The following HS1BP3 variants were observed in gnomAD, a reference collection of about 807,000 sequenced individuals.
HS1BP3 encodes HCLS1-binding protein 3.
In HS1BP3, 32 loss-of-function variants were observed where a neutral mutation model predicts 33.5. The ratio of observed to expected loss-of-function variants is 0.95; its 90% confidence interval spans 0.72 to 1.28. HS1BP3 has a LOEUF of 1.28. HS1BP3 is among the 50% of genes most tolerant of loss of function. The pLI is 0.00. For missense variants in HS1BP3, 486 were observed against 502.3 expected (o/e 0.97, Z 0.31); for synonymous variants, 187 against 209.2 (o/e 0.89, Z 0.92).
chr2:20,646,338 C>T (rs1695519047), intron 1 of HS1BP3, among the ~76,000 whole-genome samples: 3 of 152,168 alleles, frequency 2.0e-5, no homozygotes, highest in Admixed American at 6.5e-5. Context: ...TGGGCAGGAC[C>T]CTGAAAACAC....
In HS1BP3 at chr2:20,564,703, C is replaced by T. The variant is rs879264519; in HGVS notation, c.303-4188G>A. Among the ~76,000 whole-genome samples, 39 of 152,066 alleles carry T rather than the reference C, an allele frequency of 2.6e-4. 1 individual carries two copies. Among genetic ancestry groups the T allele is most frequent in the Admixed American group, 2.2e-3 (33 of 15,264 alleles). On this transcript the variant is annotated intron_variant, in intron 5 of 5. Transcript: ENST00000446825. ...TTCACCATGTTGGCCAGGCTGGTCT[C>T]GAACTCCTGATCTCAGGTAATCTGC...
At chr2:20,585,247 C>T (rs547149397) in intron 5 of HS1BP3, among the ~76,000 whole-genome samples, 8 of 152,326 alleles carry the variant, frequency 5.3e-5, no homozygotes, top group Admixed American at 5.2e-4. Context: ...AAGCACGGCT[C>T]ACATCACTGA....
At chr2:20,593,952 C>T (rs1693885618) in intron 3 of HS1BP3, among the ~76,000 whole-genome samples, 1 of 152,386 alleles carries the variant, frequency 6.6e-6, no homozygotes, top group South Asian at 2.1e-4. Context: ...AAAACCACCA[C>T]AGCCTCCATT....
intron 2 of HS1BP3, among the ~76,000 whole-genome samples, chr2:20,607,448 A>G (rs1170276601): frequency 6.6e-6 from 1 of 152,112 alleles, no homozygotes; most frequent in African/African-American, 2.4e-5. Context: ...GAGCCACCAC[A>G]CCTGGCCTCT....
chr2:20,568,656 G>C lies in HS1BP3; in HGVS notation c.303-8141C>G, dbSNP rs373713910. Among the ~76,000 whole-genome samples, 260 of 152,242 alleles carry C rather than the reference G, an allele frequency of 1.7e-3. 1 individual carries two copies. The highest frequency in any genetic ancestry group is 5.5e-3 in the African/African-American group (227 of 41,542). On this transcript the variant is annotated intron_variant, in intron 5 of 5. Transcript: ENST00000446825. ...ACACATCTGCCTGTCTGTGGCAGCA[G>C]CTCCTGGAAGGAGCTCAGGGCCCAG... is the stretch of plus-strand genomic sequence containing the variant.
At chr2:20,605,483 G>C (rs1194496408) in intron 2 of HS1BP3, among the ~76,000 whole-genome samples, 3 of 152,050 alleles carry the variant, frequency 2.0e-5, no homozygotes, top group Non-Finnish European at 4.4e-5. Flanking sequence ...CATTTTAAAG[G>C]GTACAATTCA....
intron 5 of HS1BP3, among the ~76,000 whole-genome samples, chr2:20,578,196 G>A (rs1043360729): frequency 6.6e-6 from 1 of 152,328 alleles, no homozygotes; most frequent in Admixed American, 6.5e-5. Flanking sequence ...CACAGGGTGG[G>A]GGTGGGAACA....
Position 20,624,808 on chromosome 2 carries a change from G to A in HS1BP3, c.708C>T (p.Asp236=). ...PRLTIFDEEV[D]PDEGLFGPGR... The stretch of plus-strand genomic sequence containing the variant: ...CCGGGCCAAAGAGCCCCTCATCAGG[G>A]TCCACCTCCTCGTCAAAGATGGTGA... Residue 236 remains aspartate (D), a synonymous_variant, in exon 5 of 7, where the codon GAC becomes GAT. Transcript: ENST00000304031. 1 of 1,613,858 alleles carries A rather than the reference G, an allele frequency of 6.2e-7. No homozygotes were observed. Among genetic ancestry groups the A allele is most frequent in the Non-Finnish European group, 8.5e-7 (1 of 1,179,918 alleles).
chr2:20,605,563 C>T (rs757636371), intron 2 of HS1BP3, among the ~76,000 whole-genome samples: 3 of 152,298 alleles, frequency 2.0e-5, no homozygotes, highest in Non-Finnish European at 4.4e-5. Context: ...TGTCATCACC[C>T]CCCAAAGGAA....
chr2:20,563,825 A>G (rs1194234992), intron 5 of HS1BP3, among the ~76,000 whole-genome samples: 1 of 152,080 alleles, frequency 6.6e-6, no homozygotes, highest in Non-Finnish European at 1.5e-5. Context: ...CGGTATCGAC[A>G]TCCCCTGAGA....
At chr2:20,555,551 A>G (rs879509611), downstream of HS1BP3, among the ~76,000 whole-genome samples, 2 of 152,080 alleles carry the variant, frequency 1.3e-5, no homozygotes, top group African/African-American at 2.4e-5. Flanking sequence ...TACCCTGAGG[A>G]CCCCATGAAG....
chr2:20,644,545 T>C (rs1695458775), intron 2 of HS1BP3, among the ~76,000 whole-genome samples: 1 of 152,202 alleles, frequency 6.6e-6, no homozygotes, highest in Non-Finnish European at 1.5e-5. Context: ...CTCCATCATA[T>C]TCTTTATTTC....
intron 5 of HS1BP3, among the ~76,000 whole-genome samples, chr2:20,579,652 C>G (rs1253452881): frequency 6.6e-6 from 1 of 152,170 alleles, no homozygotes; most frequent in African/African-American, 2.4e-5. Context: ...CACTGAGCTG[C>G]CTGGGACCCT....
intron 1 of HS1BP3, among the ~76,000 whole-genome samples, chr2:20,648,016 C>A (rs971513212): frequency 2.6e-5 from 4 of 152,224 alleles, no homozygotes; most frequent in African/African-American, 9.6e-5. Context: ...TAGCTGCCCT[C>A]TCCTGGGACT....
chr2:20,606,270 T>G (rs1694174447), intron 2 of HS1BP3: 1 of 352,188 alleles, frequency 2.8e-6, no homozygotes, highest in South Asian at 3.1e-5. Context: ...GTACAGTTGG[T>G]TGGACCTGTT....
chr2:20,576,329 T>C (rs1693398874), intron 5 of HS1BP3, among the ~76,000 whole-genome samples: 1 of 152,190 alleles, frequency 6.6e-6, no homozygotes, highest in Admixed American at 6.5e-5. Context: ...GTTTCCTTCA[T>C]ATGGACTCTA....
chr2:20,596,273 T>C (rs1274185313), intron 3 of HS1BP3, among the ~76,000 whole-genome samples: 2 of 152,254 alleles, frequency 1.3e-5, no homozygotes, highest in East Asian at 3.8e-4. Context: ...GCTAGGATAC[T>C]GCCTCCTCCA....
chr2:20,571,045 T>C (rs1171611672), intron 5 of HS1BP3, among the ~76,000 whole-genome samples: 2 of 152,144 alleles, frequency 1.3e-5, no homozygotes, highest in African/African-American at 4.8e-5. Flanking sequence ...GTGAGGACAC[T>C]GGGGAGGGTC....
At chr2:20,640,529 A>T (rs559191137) in intron 3 of HS1BP3, 1 of 410,324 alleles carries the variant, frequency 2.4e-6, no homozygotes, top group Non-Finnish European at 4.3e-6. Flanking sequence ...GGTGAGAAGC[A>T]CATGTCCCCA....
Sources: allele counts gnomAD v4.1 joint callset (sites outside exome capture counted in the v4.1 genomes callset), GRCh38; gene constraint gnomAD v4.1.1; transcripts MANE v1.5; gene names NCBI Gene and HGNC (gene_info 2026-07-23, HGNC 2026-07-21).